NIBAN2: variants seen among roughly 807,000 people sequenced by gnomAD.
NIBAN2 encodes niban apoptosis regulator 2, also known as protein Niban 2.
A neutral mutation model predicts 81.8 loss-of-function variants in NIBAN2; 36 were observed. That is an observed-to-expected ratio of 0.44 (90% confidence interval 0.34 to 0.58). The LOEUF (loss-of-function observed/expected upper bound fraction) is 0.58, where lower values mean the gene tolerates loss of function less well. NIBAN2 is among the 20% of genes least tolerant of loss of function. NIBAN2 has a pLI of 0.02. For synonymous variants in NIBAN2, 445 were observed against 441.6 expected (o/e 1.01, Z -0.10); for missense variants, 897 against 1,014.1 (o/e 0.88, Z 1.57).
Position 127,507,975 on chromosome 9 carries a change from G to C in NIBAN2, c.1546C>G (p.Leu516Val). 1 of 1,614,140 alleles carries C rather than the reference G, an allele frequency of 6.2e-7. No individual in the cohort carries two copies. Residue 516 changes from leucine (L) to valine (V), a missense_variant, in exon 13 of 14, where the codon CTG becomes GTG. By Grantham distance (32) the Leu-to-Val change is conservative. Transcript: ENST00000373312. This position sits in a 1 kb window ranked among gnomAD's most constrained non-coding sequence, Gnocchi z 6.8. ...KKLAPTCKSE[L>V]PRFQELIFED... ...AAGATCAGCTCCTGGAACCGGGGCA[G>C]CTCCTGCCCGGGTGGGGCGGCAGAG... is the stretch of plus-strand genomic sequence containing the variant.
chr9:127,566,144 A>G (rs963257863), intron 1 of NIBAN2, among the ~76,000 whole-genome samples: 1 of 151,890 alleles, frequency 6.6e-6, no homozygotes, highest in Non-Finnish European at 1.5e-5. Flanking sequence ...AAAAAAAAAG[A>G]TATTACTCCA....
chr9:127,556,299 AG>A (rs774665342), intron 1 of NIBAN2, among the ~76,000 whole-genome samples: 2 of 152,026 alleles, frequency 1.3e-5, no homozygotes, highest in African/African-American at 2.4e-5. Flanking sequence ...CCACAAGGGC[AG>A]GGGGTACGTC....
chr9:127,516,329 G>A (rs573038821), intron 8 of NIBAN2, among the ~76,000 whole-genome samples: 5 of 152,102 alleles, frequency 3.3e-5, no homozygotes, highest in Admixed American at 6.5e-5. Context: ...AGCGGATCAC[G>A]AGGTCAGGAG....
At chr9:127,564,327 T>C (rs1837822042) in intron 1 of NIBAN2, among the ~76,000 whole-genome samples, 1 of 150,066 alleles carries the variant, frequency 6.7e-6, no homozygotes, top group Non-Finnish European at 1.5e-5. Context: ...AGGAGTTCCA[T>C]TTCAGGGCCT....
intron 4 of NIBAN2, chr9:127,524,693 G>T: frequency 5.6e-6 from 1 of 177,448 alleles, no homozygotes. Flanking sequence ...TGCCCCCCAG[G>T]CAGGCATGTC....
chr9:127,547,050 A>C (rs1837484595), intron 1 of NIBAN2, among the ~76,000 whole-genome samples: 1 of 151,760 alleles, frequency 6.6e-6, no homozygotes, highest in Non-Finnish European at 1.5e-5. Context: ...TGAAAGAGTT[A>C]ATCCATTCCA....
At chr9:127,556,886 G>T (rs1489054152) in intron 1 of NIBAN2, among the ~76,000 whole-genome samples, 3 of 152,198 alleles carry the variant, frequency 2.0e-5, no homozygotes, top group African/African-American at 7.2e-5. Context: ...ACCAGCCTGG[G>T]TAACACAGGG....
At chr9:127,521,317 G>C (rs1836937160) in intron 5 of NIBAN2, among the ~76,000 whole-genome samples, 1 of 152,188 alleles carries the variant, frequency 6.6e-6, no homozygotes, top group Non-Finnish European at 1.5e-5. Flanking sequence ...ACTCTAGCCA[G>C]ACCTGGAGAC....
At chr9:127,523,216 T>A (rs1564301415) in intron 5 of NIBAN2, among the ~76,000 whole-genome samples, 280 of 7,880 alleles carry the variant, frequency 0.036, 97 homozygotes, top group Non-Finnish European at 0.055. Context: ...TATATATATA[T>A]ATATATATAT....
chr9:127,570,532 T>C (rs1010317510), upstream of NIBAN2, among the ~76,000 whole-genome samples: 1 of 152,208 alleles, frequency 6.6e-6, no homozygotes, highest in East Asian at 1.9e-4. Context: ...CCCAGCATAG[T>C]GCCTGGCACC....
intron 9 of NIBAN2, chr9:127,509,889 T>A (rs1836701168): frequency 9.0e-6 from 2 of 221,892 alleles, no homozygotes; most frequent in African/African-American, 2.5e-5. Context: ...AATTCTTTTC[T>A]ATTTTAGCAC....
chr9:127,562,367 G>T (rs1222138442), intron 1 of NIBAN2, among the ~76,000 whole-genome samples: 1 of 152,206 alleles, frequency 6.6e-6, no homozygotes, highest in East Asian at 1.9e-4. Context: ...TCAATAAGAT[G>T]ATACAGACAA....
At chr9:127,541,232 T>A (rs927497654) in intron 1 of NIBAN2, among the ~76,000 whole-genome samples, 7 of 152,168 alleles carry the variant, frequency 4.6e-5, no homozygotes, top group African/African-American at 1.2e-4. Context: ...CAGAGCTGGG[T>A]TGGCATAGAC....
upstream of NIBAN2, among the ~76,000 whole-genome samples, chr9:127,571,677 A>T (rs950089054): frequency 6.6e-6 from 1 of 150,768 alleles, no homozygotes; most frequent in Admixed American, 6.7e-5. Flanking sequence ...GCCTGGTGAC[A>T]GAGTGAGACT....
chr9:127,558,781 G>C (rs1029907939), intron 1 of NIBAN2, among the ~76,000 whole-genome samples: 10 of 152,168 alleles, frequency 6.6e-5, no homozygotes, highest in Non-Finnish European at 8.8e-5. Context: ...CTAGATGCCT[G>C]AATCACCCCT....
rs1349117631 is a variant in NIBAN2, at chr9:127,563,484, A to C, written c.55+5336T>G. Among the ~76,000 whole-genome samples the C allele has an allele frequency of 6.6e-6, 1 of 151,436 alleles. No homozygotes were observed. Among genetic ancestry groups the C allele is most frequent in the Non-Finnish European group, 1.5e-5 (1 of 67,942 alleles). ...GAAGGTGGAACCCCTCCATCCCTTC[A>C]CTCTTGGCATCTACAGCCACTTCCC... On this transcript the variant is annotated intron_variant, in intron 1 of 13. Coordinates refer to ENST00000373312, the MANE Select transcript of NIBAN2 (RefSeq NM_022833.4). This position sits in a 1 kb window ranked among gnomAD's most constrained non-coding sequence, Gnocchi z 4.1.
chr9:127,534,847 G>T (rs1837244793), intron 1 of NIBAN2, among the ~76,000 whole-genome samples: 1 of 152,232 alleles, frequency 6.6e-6, no homozygotes. Context: ...ATGGAAGAGA[G>T]TCATACATCG....
intron 1 of NIBAN2, among the ~76,000 whole-genome samples, chr9:127,535,441 C>T (rs1460485098): frequency 6.6e-6 from 1 of 152,114 alleles, no homozygotes; most frequent in Non-Finnish European, 1.5e-5. Context: ...CAGTTAAGGC[C>T]CAAGTTGGGC....
chr9:127,554,548 C>CTTTTTTTTTTT lies in NIBAN2; in HGVS notation c.55+14261_55+14271dup, dbSNP rs1230242603. On this transcript the variant is annotated intron_variant, in intron 1 of 13. Transcript: ENST00000373312. ...GGGTTATTCTTTTCTTTTTCTTTTT[C>CTTTTTTTTTTT]TTTTTTTTTTTTTTTTTTTTTTTGC... Among the ~76,000 whole-genome samples the CTTTTTTTTTTT allele has an allele frequency of 7.7e-3, 802 of 103,662 alleles. 1 individual carries two copies. The highest frequency in any genetic ancestry group is 0.018 in the East Asian group (57 of 3,222). The allele number at this position is 103,662 out of a possible 152,430, so 68.0% of individuals were successfully genotyped here.
Sources: allele counts gnomAD v4.1 joint callset (sites outside exome capture counted in the v4.1 genomes callset), GRCh38; gene constraint gnomAD v4.1.1; non-coding constraint Gnocchi (gnomAD v3.1); transcripts MANE v1.5; gene names NCBI Gene and HGNC (gene_info 2026-07-23, HGNC 2026-07-21).